MRPS6: variants seen among roughly 807,000 people sequenced by gnomAD.
The protein encoded by MRPS6 is small ribosomal subunit protein bS6m.
A neutral mutation model predicts 13.1 loss-of-function variants in MRPS6; 6 were observed. The ratio of observed to expected loss-of-function variants is 0.46; its 90% CI spans 0.25 to 0.91. The LOEUF is 0.91. Ranked by LOEUF, MRPS6 falls within the 40% of genes least tolerant of loss-of-function variation. The pLI is 0.18. For synonymous variants in MRPS6, 61 were observed against 56.5 expected (o/e 1.08, Z -0.36); for missense variants, 164 against 155.6 (o/e 1.05, Z -0.29).
intron 1 of MRPS6, chr21:34,098,656 A>G (rs1354796142): frequency 1.0e-6 from 1 of 1,000,162 alleles, no homozygotes; most frequent in Non-Finnish European, 1.2e-6. Context: ...GTGCCAAACA[A>G]GAACTTTTGG....
At chr21:34,104,202 T>G in intron 1 of MRPS6, 2 of 1,000,170 alleles carry the variant, frequency 2.0e-6, no homozygotes, top group Non-Finnish European at 2.4e-6. Context: ...TCAGACTAAT[T>G]CTGAAGCATA....
chr21:34,098,334 A>G, intron 1 of MRPS6: 2 of 1,000,270 alleles, frequency 2.0e-6, no homozygotes, highest in Middle Eastern at 5.2e-4. Context: ...AGAAACCTGA[A>G]GAAAAATTGA....
chr21:34,075,613 A>G (rs1183730886), intron 1 of MRPS6, among the ~76,000 whole-genome samples: 7 of 152,228 alleles, frequency 4.6e-5, no homozygotes, highest in Non-Finnish European at 1.5e-5. Context: ...AAGAGGCCCC[A>G]TGGCAGTAGA....
At position 34,138,595 on chromosome 21, in the gene MRPS6, A is replaced by G. The variant is rs1980787754; in HGVS notation, c.186-3813A>G. Among the ~76,000 whole-genome samples the G allele has an allele frequency of 2.0e-5, 3 of 151,948 alleles. No homozygotes were observed. In the South Asian group the frequency reaches 6.2e-4, roughly 32 times the overall value. On this transcript the variant is annotated intron_variant, in intron 2 of 2. Coordinates refer to ENST00000399312, the MANE Select transcript of MRPS6 (RefSeq NM_032476.4). The stretch of plus-strand genomic sequence containing the variant: ...AAAAACACATGAAAAAATGCTCACC[A>G]TCACTGGCCATCAGAGAAATGCAAA...
chr21:34,106,535 AGTT>A (rs1052197375), intron 1 of MRPS6, among the ~76,000 whole-genome samples: 1 of 152,232 alleles, frequency 6.6e-6, no homozygotes, highest in Non-Finnish European at 1.5e-5. Context: ...GTTATAGGAA[AGTT>A]GTTAAGAATG....
chr21:34,116,614 G>GA (rs1979922827), intron 1 of MRPS6, among the ~76,000 whole-genome samples: 1 of 78 alleles, frequency 0.013, no homozygotes, highest in Admixed American at 0.12. Context: ...TGCAGACCCT[G>GA]GCTACGGATG....
chr21:34,121,474 C>G lies in MRPS6; in HGVS notation c.46-3867C>G, dbSNP rs147186970. Among the ~76,000 whole-genome samples the G allele has an allele frequency of 1.7e-3, 259 of 152,188 alleles. 2 individuals are homozygous for G. Among genetic ancestry groups the G allele is most frequent in the African/African-American group, 6.0e-3 (250 of 41,528 alleles). ...AGTCCTAGTTTTTCTAGTTTCCATTCCCATTCATTCATTCCTTTCTTTCTG... is the reference window on the plus strand; with the variant it reads ...AGTCCTAGTTTTTCTAGTTTCCATTGCCATTCATTCATTCCTTTCTTTCTG... On this transcript the variant is annotated intron_variant, in intron 1 of 2. Transcript: ENST00000399312.
chr21:34,098,610 A>G, intron 1 of MRPS6: 1 of 1,000,296 alleles, frequency 1.0e-6, no homozygotes, highest in Non-Finnish European at 1.2e-6. Context: ...GGTTGTCAAT[A>G]TAGTCTTTCT....
At chr21:34,121,589 A>C (rs1045241533) in intron 1 of MRPS6, among the ~76,000 whole-genome samples, 1 of 151,972 alleles carries the variant, frequency 6.6e-6, no homozygotes, top group African/African-American at 2.4e-5. Flanking sequence ...AGAAGGAAAG[A>C]GTTGAAGGAG....
intron 1 of MRPS6, 113 bp downstream of exon 1, chr21:34,073,858 G>T (rs1256110084): frequency 1.3e-4 from 73 of 553,654 alleles, no homozygotes; most frequent in Non-Finnish European, 1.7e-4. Flanking sequence ...TGCACTCCTC[G>T]GAGGAGGCCG....
At chr21:34,135,569 C>T (rs1980666203) in intron 2 of MRPS6, 5 of 457,598 alleles carry the variant, frequency 1.1e-5, no homozygotes, top group Admixed American at 4.8e-5. Flanking sequence ...AGGGCACCCT[C>T]AAGAGTGCCT....
intron 2 of MRPS6, among the ~76,000 whole-genome samples, chr21:34,133,817 T>C (rs1569425434): frequency 6.6e-6 from 1 of 152,130 alleles, no homozygotes; most frequent in Non-Finnish European, 1.5e-5. Flanking sequence ...AGGCGGGAGC[T>C]CAGAGAAAAA....
At chr21:34,104,911 C>T (rs549572288) in intron 1 of MRPS6, 1 of 1,000,154 alleles carries the variant, frequency 1.0e-6, no homozygotes, top group Non-Finnish European at 1.2e-6. Flanking sequence ...TGCCTTTCAT[C>T]TATAATTTCA....
At position 34,102,264 on chromosome 21, in the gene MRPS6, TTAG is replaced by T. The variant is rs1312662439; in HGVS notation, c.46-23072_46-23070del. 5 of 999,772 alleles carry T rather than the reference TTAG, an allele frequency of 5.0e-6. No individual in the cohort carries two copies. The African/African-American group carries it at 5.2e-5, about 10-fold the overall frequency. The allele number at this position is 999,772 out of a possible 1,614,324, so 61.9% of individuals were successfully genotyped here. A position where few individuals can be genotyped will look rare whatever the true frequency, so the allele number is the denominator to read the frequency against. On this transcript the variant is annotated intron_variant, in intron 1 of 2. Transcript: ENST00000399312. The stretch of plus-strand genomic sequence containing the variant: ...TGGTGAGTCCCACACCATTATTCAC[TTAG>T]TAGTCATATAAATGTTTTTATTTAA...
chr21:34,140,373 C>G (rs796467059), intron 2 of MRPS6, among the ~76,000 whole-genome samples: 3 of 152,168 alleles, frequency 2.0e-5, no homozygotes, highest in African/African-American at 7.2e-5. Context: ...CTCCTTCTAC[C>G]TGTTTGTCCA....
rs189236221 is a variant in MRPS6 at position 34,077,508 on chromosome 21, T to C, written c.45+3763T>C. ...GAATTTTTACATGAAGAATTAAAGG[T>C]TAATGGCTTAATAACTAATTCACTT... On this transcript the variant is annotated intron_variant, in intron 1 of 2. Transcript: ENST00000399312. 5.4e-4 allele frequency among the ~76,000 whole-genome samples: 83 copies of C among 152,336 alleles called. No individual in the cohort carries two copies. The East Asian group carries it at 0.014, about 27-fold the overall frequency.
At chr21:34,133,710 A>G (rs760056099) in intron 2 of MRPS6, among the ~76,000 whole-genome samples, 1 of 152,282 alleles carries the variant, frequency 6.6e-6, no homozygotes. Context: ...CTCCTGATGC[A>G]TGGCATTTCA....
intron 1 of MRPS6, chr21:34,102,303 CTT>C (rs990122597): frequency 2.0e-6 from 2 of 998,674 alleles, no homozygotes; most frequent in African/African-American, 3.5e-5. Flanking sequence ...ACTTCTCTCT[CTT>C]CAATGCTGAG....
At chr21:34,097,308 G>A (rs1979011303) in intron 1 of MRPS6, 2 of 1,610,822 alleles carry the variant, frequency 1.2e-6, no homozygotes, top group Non-Finnish European at 1.7e-6. Flanking sequence ...TGGACTTTTT[G>A]CTGTGTGTTC....
Sources: gnomAD v4.1 joint callset for allele counts (sites outside exome capture counted in the v4.1 genomes callset) on GRCh38, gnomAD v4.1.1 for gene constraint, MANE v1.5 for transcripts, NCBI Gene and HGNC (gene_info 2026-07-23, HGNC 2026-07-21) for gene names.